The following SLC24A2 variants were observed in gnomAD, a reference collection of about 807,000 sequenced individuals.
The protein encoded by SLC24A2 is solute carrier family 24 member 2, also known as sodium/potassium/calcium exchanger 2.
SLC24A2 carries 36 observed loss-of-function variants against 62.0 expected under a neutral mutation model. That is an observed-to-expected ratio of 0.58 (90% CI 0.44 to 0.77). The LOEUF is 0.77. SLC24A2 is among the 30% of genes least tolerant of loss of function. The pLI is 0.00. For synonymous variants in SLC24A2, 358 were observed against 294.0 expected (o/e 1.22, Z -2.23); for missense variants, 846 against 817.9 (o/e 1.03, Z -0.42).
chr9:19,935,933 AGAAG>A, the SLC24A2 span, among the ~76,000 whole-genome samples: 2 of 152,368 alleles, frequency 1.3e-5, no homozygotes, highest in South Asian at 4.1e-4. Flanking sequence ...TCTAAAGGAA[AGAAG>A]GAAGATTTAA....
the SLC24A2 span, among the ~76,000 whole-genome samples, chr9:20,236,883 C>T: frequency 6.6e-6 from 1 of 151,930 alleles, no homozygotes; most frequent in Non-Finnish European, 1.5e-5. Flanking sequence ...CTGTCATTTC[C>T]TAACTATTGC....
chr9:19,865,484 A>T, the SLC24A2 span, among the ~76,000 whole-genome samples: 2 of 152,176 alleles, frequency 1.3e-5, no homozygotes, highest in Non-Finnish European at 2.9e-5. Flanking sequence ...TCAAAACACC[A>T]TGGTACTGGC....
intron 2 of SLC24A2, among the ~76,000 whole-genome samples, chr9:19,757,014 A>G (rs1333559431): frequency 1.4e-5 from 2 of 147,262 alleles, no homozygotes; most frequent in Admixed American, 7.2e-5. Context: ...GGCTCAGGCA[A>G]TCTTCCTGAC....
the SLC24A2 span, among the ~76,000 whole-genome samples, chr9:19,801,442 C>T: frequency 2.6e-4 from 39 of 152,184 alleles, no homozygotes; most frequent in South Asian, 4.2e-3. Flanking sequence ...CAGTGGTGGA[C>T]GGTGAGCAAA....
At chr9:20,153,430 C>T in the SLC24A2 span, among the ~76,000 whole-genome samples, 1 of 151,880 alleles carries the variant, frequency 6.6e-6, no homozygotes, top group African/African-American at 2.4e-5. Flanking sequence ...TCAAGTCAGA[C>T]ATGAACTTCA....
At chr9:20,068,146 C>G in the SLC24A2 span, among the ~76,000 whole-genome samples, 98 of 150,576 alleles carry the variant, frequency 6.5e-4, 1 homozygote, top group East Asian at 0.018. Flanking sequence ...TCACTGCAGC[C>G]TCCGCCTCCT....
the SLC24A2 span, among the ~76,000 whole-genome samples, chr9:19,820,688 G>C: frequency 6.6e-6 from 1 of 151,988 alleles, no homozygotes. Context: ...TTCTGTGTGT[G>C]TGTGTGTGTA....
At chr9:20,111,428 C>T in the SLC24A2 span, among the ~76,000 whole-genome samples, 2 of 152,134 alleles carry the variant, frequency 1.3e-5, no homozygotes, top group African/African-American at 2.4e-5. Context: ...AGGCACTGCA[C>T]CGTCTCTTAT....
chr9:20,134,398 A>G, the SLC24A2 span, among the ~76,000 whole-genome samples: 1 of 152,168 alleles, frequency 6.6e-6, no homozygotes, highest in Admixed American at 6.6e-5. Flanking sequence ...ACTTCCAATG[A>G]GAAGGGAGGA....
chr9:20,221,528 GA>G, the SLC24A2 span, among the ~76,000 whole-genome samples: 1 of 151,952 alleles, frequency 6.6e-6, no homozygotes, highest in Non-Finnish European at 1.5e-5. Context: ...AGTTAATGGT[GA>G]AAAGGGAAGG....
the SLC24A2 span, among the ~76,000 whole-genome samples, chr9:20,220,837 C>G: frequency 1.3e-5 from 2 of 152,114 alleles, no homozygotes; most frequent in Admixed American, 6.6e-5. Flanking sequence ...CAACCCTCAC[C>G]TACCTAAACG....
chr9:19,553,485 C>T (rs1001115097), intron 7 of SLC24A2, among the ~76,000 whole-genome samples: 2 of 152,144 alleles, frequency 1.3e-5, no homozygotes, highest in Non-Finnish European at 2.9e-5. Context: ...TCTGTAGAAG[C>T]CTTAGAATTG....
chr9:19,515,866 C>T lies in SLC24A2; in HGVS notation c.*287G>A, dbSNP rs951862051. Reference sequence around the variant, plus strand: ...TAGCCTGTGTCCTTGTTTGCATCGACTGTACCTCCGACCAGCGAGGTGTAC... The same window carrying T: ...TAGCCTGTGTCCTTGTTTGCATCGATTGTACCTCCGACCAGCGAGGTGTAC... On this transcript the variant is annotated 3_prime_UTR_variant, in exon 11 of 11. Coordinates refer to ENST00000341998, the MANE Select transcript of SLC24A2 (RefSeq NM_020344.4). 10 of 435,876 alleles carry T rather than the reference C, an allele frequency of 2.3e-5. No individual in the cohort carries two copies. The highest frequency in any genetic ancestry group is 2.0e-4 in the African/African-American group (10 of 49,722). The allele number at this position is 435,876 out of a possible 1,614,324, so 27.0% of individuals were successfully genotyped here.
intron 7 of SLC24A2, among the ~76,000 whole-genome samples, 182 bp downstream of exon 7, chr9:19,573,169 A>G (rs538165644): frequency 2.6e-5 from 4 of 152,256 alleles, no homozygotes; most frequent in African/African-American, 9.6e-5. Context: ...ATAAATGTAG[A>G]GGCTGCTGCA....
At chr9:20,195,526 G>C in the SLC24A2 span, among the ~76,000 whole-genome samples, 1 of 151,876 alleles carries the variant, frequency 6.6e-6, no homozygotes, top group Non-Finnish European at 1.5e-5. Flanking sequence ...TTTTAAATTG[G>C]TTGTCTGCCT....
chr9:19,531,119 C>CCATGTTG (rs1173162649), intron 8 of SLC24A2, among the ~76,000 whole-genome samples: 4 of 152,214 alleles, frequency 2.6e-5, no homozygotes, highest in African/African-American at 9.7e-5. Flanking sequence ...GCCCAACCTC[C>CCATGTTG]CATGTTGTTC....
the SLC24A2 span, among the ~76,000 whole-genome samples, chr9:20,210,338 A>G: frequency 1.7e-4 from 26 of 152,354 alleles, no homozygotes; most frequent in African/African-American, 5.5e-4. Flanking sequence ...TTCTGACAGT[A>G]AGCAAATGGC....
At chr9:19,940,931 C>G in the SLC24A2 span, among the ~76,000 whole-genome samples, 1 of 152,190 alleles carries the variant, frequency 6.6e-6, no homozygotes, top group Non-Finnish European at 1.5e-5. Flanking sequence ...ATTTCCTTTC[C>G]TTTCAGGGAG....
the SLC24A2 span, among the ~76,000 whole-genome samples, chr9:20,060,481 G>C: frequency 6.6e-6 from 1 of 152,096 alleles, no homozygotes; most frequent in African/African-American, 2.4e-5. Context: ...AGGAATGTAA[G>C]ATTGTCTTAA....
Sources: allele counts gnomAD v4.1 joint callset (sites outside exome capture counted in the v4.1 genomes callset), GRCh38; gene constraint gnomAD v4.1.1; transcripts MANE v1.5; gene names NCBI Gene and HGNC (gene_info 2026-07-23, HGNC 2026-07-21).